Variants in RBFOX1 observed in about 807,000 individuals in gnomAD.
RBFOX1 encodes the protein RNA binding fox-1 homolog 1, also known as RNA binding protein fox-1 homolog 1.
Under a neutral mutation model 57.7 loss-of-function variants are expected in RBFOX1, and 8 were observed. That is an observed-to-expected ratio of 0.14 (90% confidence interval 0.08 to 0.25). The LOEUF (loss-of-function observed/expected upper bound fraction) is 0.25, where lower values mean the gene tolerates loss of function less well. RBFOX1 is among the 10% of genes least tolerant of loss of function. The pLI is 1.00. For synonymous variants in RBFOX1, 326 were observed against 222.4 expected, an observed-to-expected ratio of 1.47 and a Z score of -4.15; for missense variants, 611 against 548.5, an observed-to-expected ratio of 1.11 and a Z score of -1.14.
At chr16:7,417,079 G>A (rs1323457998) in intron 4 of RBFOX1, among the ~76,000 whole-genome samples, 1 of 151,966 alleles carries the variant, frequency 6.6e-6, no homozygotes, top group South Asian at 2.1e-4. Context: ...TTAAGAAATA[G>A]CACAAAGAGT....
intron 4 of RBFOX1, among the ~76,000 whole-genome samples, chr16:7,122,208 A>C (rs948691421): frequency 2.6e-5 from 4 of 152,196 alleles, no homozygotes; most frequent in African/African-American, 9.6e-5. Context: ...ATTAAAAGAA[A>C]GAAAATACAA....
intron 1 of RBFOX1, among the ~76,000 whole-genome samples, chr16:6,146,270 G>T (rs181976421): frequency 6.6e-5 from 10 of 152,234 alleles, no homozygotes; most frequent in African/African-American, 2.4e-4. Flanking sequence ...AGGAATCCAC[G>T]CTTCTTTTTA....
intron 3 of RBFOX1, among the ~76,000 whole-genome samples, chr16:5,643,104 A>G (rs2048934979): frequency 6.6e-6 from 1 of 152,172 alleles, no homozygotes; most frequent in Admixed American, 6.5e-5. Flanking sequence ...GTTAACCTCT[A>G]AAAGCCTCAG....
At chr16:5,502,992 C>T (rs2043253317) in intron 2 of RBFOX1, among the ~76,000 whole-genome samples, 1 of 152,242 alleles carries the variant, frequency 6.6e-6, no homozygotes, top group African/African-American at 2.4e-5. Flanking sequence ...GTCCAATACA[C>T]ATCTCTCCTA....
intron 4 of RBFOX1, among the ~76,000 whole-genome samples, chr16:7,207,507 A>G (rs1312263767): frequency 6.6e-6 from 1 of 152,176 alleles, no homozygotes; most frequent in Non-Finnish European, 1.5e-5. Flanking sequence ...AGTGCCTGCT[A>G]CATAATAGAT....
chr16:7,271,422 A>T (rs1262929430), intron 4 of RBFOX1, among the ~76,000 whole-genome samples: 1 of 151,536 alleles, frequency 6.6e-6, no homozygotes. Flanking sequence ...TGATCCTTTA[A>T]AGTTTCAATG....
At chr16:5,651,304 T>C (rs952935446) in intron 3 of RBFOX1, among the ~76,000 whole-genome samples, 4 of 152,040 alleles carry the variant, frequency 2.6e-5, no homozygotes, top group African/African-American at 7.2e-5. Flanking sequence ...CCACCTGCCT[T>C]GGCCTCCCAG....
chr16:5,461,925 C>T (rs1181380933), intron 1 of RBFOX1, among the ~76,000 whole-genome samples: 2 of 152,134 alleles, frequency 1.3e-5, no homozygotes, highest in African/African-American at 2.4e-5. Context: ...CTACCCAGTT[C>T]TACTGAACAA....
intron 1 of RBFOX1, among the ~76,000 whole-genome samples, chr16:6,252,858 G>A (rs769015050): frequency 9.9e-5 from 15 of 152,150 alleles, no homozygotes; most frequent in African/African-American, 2.9e-4. Context: ...TGAATGGATC[G>A]TGTAGGCACA....
chr16:6,816,462 C>G (rs1229727063), intron 3 of RBFOX1, among the ~76,000 whole-genome samples: 1 of 148,968 alleles, frequency 6.7e-6, no homozygotes, highest in South Asian at 2.1e-4. Flanking sequence ...GTCTTGTTGG[C>G]CGGGTGTGGT....
At chr16:5,480,574 A>G (rs1031009111) in intron 2 of RBFOX1, among the ~76,000 whole-genome samples, 1 of 152,214 alleles carries the variant, frequency 6.6e-6, no homozygotes, top group Admixed American at 6.5e-5. Context: ...CCACCAGCCC[A>G]GCCTATTTTA....
At position 6,654,725 on chromosome 16, in the gene RBFOX1, C is replaced by A. The variant is rs995245961; in HGVS notation, c.-16+75C>A. ...GTGAATTGAACCCAGGTGTTTAAGGCATGCCCCTCTCGATGATGGTTTTTA... is the reference window on the plus strand; with the variant it reads ...GTGAATTGAACCCAGGTGTTTAAGGAATGCCCCTCTCGATGATGGTTTTTA... On this transcript the variant is annotated intron_variant, in intron 3 of 15. Transcript: ENST00000550418. The A allele has an allele frequency of 3.0e-5, 34 of 1,134,678 alleles. No individual in the cohort carries two copies. The African/African-American group carries it at 4.6e-4, about 15-fold the overall frequency. The allele number at this position is 1,134,678 out of a possible 1,614,324, so 70.3% of individuals were successfully genotyped here.
At chr16:5,399,613 G>T (rs900600745) in intron 1 of RBFOX1, among the ~76,000 whole-genome samples, 2 of 152,064 alleles carry the variant, frequency 1.3e-5, no homozygotes, top group African/African-American at 4.8e-5. Context: ...CCCATCTGTA[G>T]TCCCAGCTAC....
At chr16:5,682,604 A>G (rs1375198500) in intron 3 of RBFOX1, among the ~76,000 whole-genome samples, 2 of 152,212 alleles carry the variant, frequency 1.3e-5, no homozygotes, top group East Asian at 1.9e-4. Flanking sequence ...AATTATCCCC[A>G]TTGTACAGAT....
At chr16:7,689,282 C>T (rs573078975) in intron 14 of RBFOX1, among the ~76,000 whole-genome samples, 15 of 152,110 alleles carry the variant, frequency 9.9e-5, no homozygotes, top group African/African-American at 3.1e-4. Flanking sequence ...AATCCTTCCT[C>T]TTCTCCACCC....
chr16:7,468,093 A>G (rs937749556), intron 4 of RBFOX1, among the ~76,000 whole-genome samples: 1 of 152,226 alleles, frequency 6.6e-6, no homozygotes, highest in Non-Finnish European at 1.5e-5. Context: ...AGCGAGCATC[A>G]CAGAACTTGG....
chr16:6,762,068 T>C (rs948049977), intron 3 of RBFOX1, among the ~76,000 whole-genome samples: 19 of 151,700 alleles, frequency 1.3e-4, no homozygotes, highest in Non-Finnish European at 2.7e-4. Flanking sequence ...TGGAGCCTGA[T>C]CTCCACATGT....
intron 4 of RBFOX1, among the ~76,000 whole-genome samples, chr16:7,349,950 C>G (rs774936678): frequency 6.6e-6 from 1 of 152,088 alleles, no homozygotes; most frequent in African/African-American, 2.4e-5. Flanking sequence ...AGTTCGAGAC[C>G]AGCCTGGGCA....
At chr16:7,004,545 G>C (rs1568328386) in intron 3 of RBFOX1, among the ~76,000 whole-genome samples, 2 of 152,174 alleles carry the variant, frequency 1.3e-5, no homozygotes, top group Non-Finnish European at 2.9e-5. Context: ...CTTTGTCATG[G>C]ACACGTCCTA....
Sources: allele counts gnomAD v4.1 joint callset (sites outside exome capture counted in the v4.1 genomes callset), GRCh38; gene constraint gnomAD v4.1.1; transcripts MANE v1.5; gene names NCBI Gene and HGNC (gene_info 2026-07-23, HGNC 2026-07-21).